Variants in YEATS4 observed in about 807,000 individuals in gnomAD.
YEATS4 encodes the protein YEATS domain containing 4.
A neutral mutation model predicts 30.1 loss-of-function variants in YEATS4; 17 were observed. That is an observed-to-expected ratio of 0.56 (90% CI 0.39 to 0.85). The LOEUF (loss-of-function observed/expected upper bound fraction) is 0.85. YEATS4 is among the 40% of genes least tolerant of loss of function. The pLI is 0.00. For synonymous variants in YEATS4, 85 were observed against 87.5 expected, an observed-to-expected ratio of 0.97 and a Z score of 0.16; for missense variants, 142 against 268.3, an observed-to-expected ratio of 0.53 and a Z score of 3.29.
At chr12:69,421,770 G>A in the YEATS4 span, among the ~76,000 whole-genome samples, 3 of 152,108 alleles carry the variant, frequency 2.0e-5, no homozygotes, top group Non-Finnish European at 2.9e-5. Flanking sequence ...AGTGGCTAGC[G>A]GCTGTACCCA....
chr12:69,380,997 C>T (rs190370884), intron 6 of YEATS4, among the ~76,000 whole-genome samples: 196 of 152,190 alleles, frequency 1.3e-3, no homozygotes, highest in East Asian at 0.011. Context: ...ATCACAGGAC[C>T]GGGGCAAAAC....
At chr12:69,407,540 T>C in the YEATS4 span, among the ~76,000 whole-genome samples, 1 of 152,096 alleles carries the variant, frequency 6.6e-6, no homozygotes, top group Non-Finnish European at 1.5e-5. Context: ...ATAGCTACTG[T>C]GAAGTCCTGC....
chr12:69,400,522 C>T, the YEATS4 span, among the ~76,000 whole-genome samples: 1 of 151,142 alleles, frequency 6.6e-6, no homozygotes, highest in South Asian at 2.1e-4. Context: ...TTCACACATA[C>T]AAAAAATACA....
intron 6 of YEATS4, among the ~76,000 whole-genome samples, chr12:69,375,781 A>G (rs923752001): frequency 6.6e-6 from 1 of 152,120 alleles, no homozygotes; most frequent in Admixed American, 6.5e-5. Flanking sequence ...GCGCGCCTGC[A>G]ATCCCAGGCA....
chr12:69,395,910 C>T, the YEATS4 span, among the ~76,000 whole-genome samples: 1 of 152,192 alleles, frequency 6.6e-6, no homozygotes, highest in Non-Finnish European at 1.5e-5. Flanking sequence ...GTATGAGTTT[C>T]ATCTATCTCC....
At chr12:69,400,687 T>A in the YEATS4 span, among the ~76,000 whole-genome samples, 1 of 150,104 alleles carries the variant, frequency 6.7e-6, no homozygotes, top group Non-Finnish European at 1.5e-5. Context: ...CCCGCCCAAT[T>A]TAAAAAGTTT....
the YEATS4 span, among the ~76,000 whole-genome samples, chr12:69,397,350 G>A: frequency 3.3e-5 from 5 of 152,058 alleles, no homozygotes; most frequent in South Asian, 2.1e-4. Flanking sequence ...AATATGACTC[G>A]TGATATAGTT....
chr12:69,397,513 G>A, the YEATS4 span, among the ~76,000 whole-genome samples: 3 of 152,092 alleles, frequency 2.0e-5, no homozygotes, highest in African/African-American at 7.2e-5. Flanking sequence ...AGATCTGATG[G>A]TTTTATAAAG....
At chr12:69,414,035 C>T in the YEATS4 span, among the ~76,000 whole-genome samples, 3 of 152,090 alleles carry the variant, frequency 2.0e-5, no homozygotes, top group Non-Finnish European at 1.5e-5. Context: ...TTTGTAGATA[C>T]ATGACATCTA....
the YEATS4 span, among the ~76,000 whole-genome samples, chr12:69,415,432 G>A: frequency 2.6e-5 from 4 of 152,190 alleles, no homozygotes; most frequent in Non-Finnish European, 4.4e-5. Flanking sequence ...AAAATTAGCC[G>A]AGTATGGTGG....
At chr12:69,363,249 T>A (rs1875302007) in intron 2 of YEATS4, among the ~76,000 whole-genome samples, 1 of 152,002 alleles carries the variant, frequency 6.6e-6, no homozygotes, top group Non-Finnish European at 1.5e-5. Context: ...CGCCTCGGCC[T>A]CCCAAAGTGC....
At chr12:69,364,422 G>A (rs983769627) in intron 2 of YEATS4, 1 of 176,432 alleles carries the variant, frequency 5.7e-6, no homozygotes, top group Non-Finnish European at 1.2e-5. Flanking sequence ...ACTATTGAAT[G>A]TGACTTATTG....
intron 6 of YEATS4, 132 bp downstream of exon 6, chr12:69,371,107 G>A (rs1443109831): frequency 6.4e-6 from 5 of 776,616 alleles, no homozygotes; most frequent in Non-Finnish European, 2.0e-6. Context: ...AACACAGTTT[G>A]TATTACAGTG....
intron 1 of YEATS4, among the ~76,000 whole-genome samples, chr12:69,361,717 ATTCAATATTTTCAC>A (rs1364085669): frequency 6.6e-6 from 1 of 152,252 alleles, no homozygotes; most frequent in Non-Finnish European, 1.5e-5. Flanking sequence ...CATGTGCAAC[ATTCAATATTTTCAC>A]TTCAATTGAA....
chr12:69,396,985 T>G, the YEATS4 span, among the ~76,000 whole-genome samples: 1 of 152,148 alleles, frequency 6.6e-6, no homozygotes, highest in Non-Finnish European at 1.5e-5. Context: ...ACTACCTACC[T>G]CATGGAATTC....
the YEATS4 span, among the ~76,000 whole-genome samples, chr12:69,410,849 G>A: frequency 2.6e-4 from 39 of 152,204 alleles, no homozygotes; most frequent in African/African-American, 8.4e-4. Context: ...CATCCAAACC[G>A]CCAAAGAAAA....
chr12:69,423,151 T>C, the YEATS4 span, among the ~76,000 whole-genome samples: 1 of 152,168 alleles, frequency 6.6e-6, no homozygotes, highest in Non-Finnish European at 1.5e-5. Flanking sequence ...GTGTCTGAAA[T>C]GGTCCCCAGG....
chr12:69,380,051 T>C (rs1232537000), intron 6 of YEATS4, among the ~76,000 whole-genome samples: 3 of 152,264 alleles, frequency 2.0e-5, no homozygotes, highest in Admixed American at 1.3e-4. Flanking sequence ...TTTTGAGTTA[T>C]CTTTCTGAAA....
intron 6 of YEATS4, among the ~76,000 whole-genome samples, chr12:69,389,633 C>T (rs2121080521): frequency 6.8e-6 from 1 of 147,420 alleles, no homozygotes; most frequent in African/African-American, 2.5e-5. Flanking sequence ...CATGCCTCAG[C>T]CACCAGAGTA....
Sources: gnomAD v4.1 joint callset for allele counts (sites outside exome capture counted in the v4.1 genomes callset) on GRCh38, gnomAD v4.1.1 for gene constraint, MANE v1.5 for transcripts, NCBI Gene and HGNC (gene_info 2026-07-23, HGNC 2026-07-21) for gene names.